The following MAP3K21 variants were observed in gnomAD, a reference collection of about 807,000 sequenced individuals.
MAP3K21 encodes mitogen-activated protein kinase kinase kinase MLK4.
MAP3K21 carries 63 observed loss-of-function variants against 86.1 expected under a neutral mutation model. That is an observed-to-expected ratio of 0.73 (90% CI 0.60 to 0.90). The LOEUF is 0.90. MAP3K21 is among the 40% of genes least tolerant of loss of function. The probability of loss-of-function intolerance (pLI) is 0.00; values close to 1 mark genes in which losing one functional copy is unlikely to be tolerated. For missense variants in MAP3K21, 1,220 were observed against 1,367.7 expected (o/e 0.89, Z 1.70); for synonymous variants, 558 against 564.8 (o/e 0.99, Z 0.17).
At chr1:233,351,103 GT>G (rs35097559) in intron 2 of MAP3K21, among the ~76,000 whole-genome samples, 3 of 151,412 alleles carry the variant, frequency 2.0e-5, no homozygotes, top group East Asian at 1.9e-4. Context: ...TTCTATGTAA[GT>G]TTTTTTTGTT....
At chr1:233,354,727 A>T (rs1572247441) in intron 3 of MAP3K21, 109 bp from the exon 4 acceptor site, 1 of 884,878 alleles carries the variant, frequency 1.1e-6, no homozygotes, top group East Asian at 2.4e-5. Flanking sequence ...GGAAGCTTCC[A>T]GTTTGGAATG....
chr1:233,345,750 AATAATAATAAT>A (rs1663126591), intron 1 of MAP3K21, among the ~76,000 whole-genome samples: 2 of 150,502 alleles, frequency 1.3e-5, no homozygotes, highest in African/African-American at 4.9e-5. Flanking sequence ...TAATAATAAT[AATAATAATAAT>A]AAAAGCACAT....
Position 233,382,400 on chromosome 1 carries a change from A to C in MAP3K21, c.2800A>C (p.Lys934Gln). 1 of 1,614,058 alleles carries C rather than the reference A, an allele frequency of 6.2e-7. No homozygotes were observed. Among genetic ancestry groups the C allele is most frequent in the African/African-American group, 1.3e-5 (1 of 74,998 alleles). ...TCATCTGCCAAGGGAGGTCTCACCC[A>C]AGAAGCACAGCACTGTCCACATCGT... ...HSHLPREVSP[K>Q]KHSTVHIVPQ... is the part of the protein sequence containing the mutation. Residue 934 changes from lysine to glutamine, a missense_variant, in exon 10 of 10, where the codon AAG becomes CAG. By Grantham distance (53) the Lys-to-Gln change is moderately conservative. This residue lies in a region of MAP3K21 where 632 missense variants were observed against 691.3 expected (regional missense o/e 0.91). Coordinates refer to ENST00000366624, the MANE Select transcript of MAP3K21 (RefSeq NM_032435.3).
chr1:233,369,481 G>T (rs1476081069), intron 5 of MAP3K21, among the ~76,000 whole-genome samples: 2 of 152,156 alleles, frequency 1.3e-5, no homozygotes, highest in Non-Finnish European at 2.9e-5. Context: ...GAGCACATGT[G>T]GAGGAAACTT....
rs1558450887 is a variant in MAP3K21 at position 233,339,274 on chromosome 1, TTCTTCTTCTTCTTCTTCC to T, written c.806-7156_806-7139del. Among the ~76,000 whole-genome samples the T allele has an allele frequency of 9.7e-4, 98 of 100,596 alleles. 12 individuals are homozygous for T. Among genetic ancestry groups the T allele is most frequent in the South Asian group, 3.0e-3 (9 of 3,004 alleles). The allele number at this position is 100,596 out of a possible 152,430, so 66.0% of individuals were successfully genotyped here. A position where few individuals can be genotyped will look rare whatever the true frequency, so the allele number is the denominator to read the frequency against. The stretch of plus-strand genomic sequence containing the variant: ...CTTCTTCTTCTTCTTCTTCCTCTTC[TTCTTCTTCTTCTTCTTCC>T]TCTTCTTCTTCCTCTTCTTCTTCCT... On this transcript the variant is annotated intron_variant, in intron 1 of 9. Transcript: ENST00000366624.
At chr1:233,335,467 T>G (rs957319746) in intron 1 of MAP3K21, among the ~76,000 whole-genome samples, 5 of 152,114 alleles carry the variant, frequency 3.3e-5, no homozygotes, top group African/African-American at 9.7e-5. Flanking sequence ...CTACTCACAA[T>G]TTATCCTCAT....
At chr1:233,377,382 A>G (rs1412535455) in intron 8 of MAP3K21, among the ~76,000 whole-genome samples, 1 of 152,216 alleles carries the variant, frequency 6.6e-6, no homozygotes, top group Non-Finnish European at 1.5e-5. Context: ...ATGTAAATGT[A>G]TTGAATTTGT....
At position 233,346,865 on chromosome 1, in the gene MAP3K21, T is replaced by C. The variant is rs114633520; in HGVS notation, c.986+243T>C. 9.8e-3 allele frequency among the ~76,000 whole-genome samples: 1,493 copies of C among 152,358 alleles called. 32 individuals are homozygous for C. Among genetic ancestry groups the C allele is most frequent in the African/African-American group, 0.034 (1,422 of 41,580 alleles). On this transcript the variant is annotated intron_variant, in intron 2 of 9. Coordinates refer to ENST00000366624, the MANE Select transcript of MAP3K21 (RefSeq NM_032435.3). ...TCACAAGTTTAGTTAAAACTGGTTA[T>C]AATTTGAATTAACACTAAATTCCCA...
intron 2 of MAP3K21, among the ~76,000 whole-genome samples, chr1:233,353,226 CACTGATGTCTT>C (rs1663284790): frequency 6.6e-6 from 1 of 152,184 alleles, no homozygotes; most frequent in Non-Finnish European, 1.5e-5. Flanking sequence ...AGGGGGCCCA[CACTGATGTCTT>C]TCTGTTCTTT....
At chr1:233,372,799 C>T (rs1272264755) in intron 6 of MAP3K21, 1 of 151,986 alleles carries the variant, frequency 6.6e-6, no homozygotes, top group East Asian at 1.9e-4. Context: ...CCAGATAAAC[C>T]CCTAAAAGTA....
chr1:233,370,762 G>A (rs1663665207), intron 5 of MAP3K21, among the ~76,000 whole-genome samples: 1 of 152,332 alleles, frequency 6.6e-6, no homozygotes, highest in South Asian at 2.1e-4. Flanking sequence ...ATAGAGGAAT[G>A]CAGGATTAGA....
intron 7 of MAP3K21, 80 bp from the exon 8 acceptor site, chr1:233,376,350 T>C (rs1446346776): frequency 2.0e-6 from 2 of 1,005,190 alleles, no homozygotes; most frequent in Non-Finnish European, 3.1e-6. Context: ...CTTAAAAATA[T>C]TGTTGGTCTG....
At chr1:233,332,077 A>T (rs2102756695) in intron 1 of MAP3K21, among the ~76,000 whole-genome samples, 1 of 152,142 alleles carries the variant, frequency 6.6e-6, no homozygotes, top group East Asian at 1.9e-4. Context: ...GCGCATTTAC[A>T]GAAGAGAGAA....
At chr1:233,340,369 G>A (rs1303972815) in intron 1 of MAP3K21, among the ~76,000 whole-genome samples, 1 of 152,174 alleles carries the variant, frequency 6.6e-6, no homozygotes, top group African/African-American at 2.4e-5. Context: ...ATTCCATTCT[G>A]TAAGGAGGCA....
chr1:233,347,544 T>A (rs116096217), intron 2 of MAP3K21, among the ~76,000 whole-genome samples: 1,977 of 152,318 alleles, frequency 0.013, 29 homozygotes, highest in African/African-American at 0.043. Flanking sequence ...CATGGAATAC[T>A]ACACAGCCAT....
chr1:233,346,202 C>A (rs372571590), intron 1 of MAP3K21, among the ~76,000 whole-genome samples: 11 of 152,254 alleles, frequency 7.2e-5, no homozygotes, highest in African/African-American at 2.6e-4. Flanking sequence ...CATTTACTTT[C>A]TCAGAAAGAG....
At chr1:233,365,696 AT>A (rs1663559667) in intron 5 of MAP3K21, among the ~76,000 whole-genome samples, 1 of 152,198 alleles carries the variant, frequency 6.6e-6, no homozygotes, top group Admixed American at 6.5e-5. Context: ...TTTGAGAATT[AT>A]TGCTGATCAT....
At chr1:233,376,817 A>G (rs982673413) in intron 8 of MAP3K21, among the ~76,000 whole-genome samples, 1 of 152,212 alleles carries the variant, frequency 6.6e-6, no homozygotes, top group Non-Finnish European at 1.5e-5. Context: ...AGTATGGGAA[A>G]TATTAGATGT....
At position 233,372,085 on chromosome 1, in the gene MAP3K21, C is replaced by T. The variant is rs149965923; in HGVS notation, c.1600C>T (p.Arg534Trp). Reference sequence around the variant, plus strand: ...GCAGGCCTCTCCCAACTTGGACAAACGGCGGAGCCTGAACAGCAGCAGTTC... The same window carrying T: ...GCAGGCCTCTCCCAACTTGGACAAATGGCGGAGCCTGAACAGCAGCAGTTC... ...TVQASPNLDK[R>W]RSLNSSSSSP... is the part of the protein sequence containing the mutation. Residue 534 changes from arginine to tryptophan, a missense_variant, in exon 6 of 10, where the codon CGG becomes TGG. By Grantham distance (101) the Arg-to-Trp change is moderately radical. Around this residue, in one of 5 missense-constraint regions of MAP3K21, gnomAD observed 632 missense variants for 691.3 expected, o/e 0.91. Transcript: ENST00000366624. 5.7e-5 allele frequency: 92 copies of T among 1,613,990 alleles called. No homozygotes were observed. In the Middle Eastern group the frequency reaches 3.5e-3, roughly 61 times the overall value.
Sources: allele counts gnomAD v4.1 joint callset (sites outside exome capture counted in the v4.1 genomes callset), GRCh38; gene constraint gnomAD v4.1.1; regional missense constraint gnomAD v4.1.1; transcripts MANE v1.5; gene names NCBI Gene and HGNC (gene_info 2026-07-23, HGNC 2026-07-21).